The following GPR107 variants were observed in gnomAD, a reference collection of about 807,000 sequenced individuals.
GPR107 encodes G protein-coupled receptor 107.
In GPR107, 31 loss-of-function variants were observed where a neutral mutation model predicts 75.5. The ratio of observed to expected loss-of-function variants is 0.41; its 90% CI spans 0.31 to 0.55. The LOEUF is 0.55. GPR107 is among the 20% of genes least tolerant of loss of function. The probability of loss-of-function intolerance (pLI) is 0.26; values close to 1 mark genes in which losing one functional copy is unlikely to be tolerated. For missense variants in GPR107, 572 were observed against 665.7 expected, an observed-to-expected ratio of 0.86 and a Z score of 1.55; for synonymous variants, 267 against 251.3, an observed-to-expected ratio of 1.06 and a Z score of -0.59.
intron 9 of GPR107, among the ~76,000 whole-genome samples, chr9:130,095,392 TTTTC>T (rs773729983): frequency 1.2e-4 from 18 of 152,036 alleles, no homozygotes; most frequent in Non-Finnish European, 2.2e-4. Context: ...GTGGTAACAG[TTTTC>T]TTTATTTTAT....
At chr9:130,087,636 T>C (rs1564668920) in intron 7 of GPR107, among the ~76,000 whole-genome samples, 1 of 151,384 alleles carries the variant, frequency 6.6e-6, no homozygotes, top group African/African-American at 2.4e-5. Context: ...CTTCATCTCT[T>C]AAAAAAAATT....
intron 15 of GPR107, 113 bp from the exon 16 acceptor site, chr9:130,127,365 ACTTTT>A: frequency 6.0e-6 from 4 of 671,002 alleles, no homozygotes; most frequent in South Asian, 5.1e-5. Context: ...AGTGTCACAT[ACTTTT>A]CTTTGAGTGA....
intron 15 of GPR107, among the ~76,000 whole-genome samples, chr9:130,125,597 CTTTTTTTTTT>C (rs71387321): frequency 9.7e-6 from 1 of 103,134 alleles, no homozygotes; most frequent in Non-Finnish European, 1.9e-5. Flanking sequence ...ATCTGAGTTC[CTTTTTTTTTT>C]TTTTTTTTTT....
At chr9:130,100,977 G>T in intron 11 of GPR107, 129 bp from the exon 12 acceptor site, 1 of 710,758 alleles carries the variant, frequency 1.4e-6, no homozygotes, top group Non-Finnish European at 2.6e-6. Context: ...CATGTATGAT[G>T]GATTTCCTAA....
rs1221015871 is a variant in GPR107, at chr9:130,136,861, T to C, written c.*1740T>C. On this transcript the variant is annotated 3_prime_UTR_variant, in exon 18 of 18. Coordinates refer to ENST00000347136, the MANE Select transcript of GPR107 (RefSeq NM_020960.5). ...GCTGCTCACCTCTCGGCAGATATTT[T>C]AGGCAAGCATCCGTGTGTCTTCCCA... The C allele has an allele frequency of 6.6e-6, 1 of 152,200 alleles. No individual in the cohort carries two copies. The highest frequency in any genetic ancestry group is 1.5e-5 in the Non-Finnish European group (1 of 68,040). 9.4% of individuals were successfully genotyped at this position (152,200 alleles called of 1,614,324 possible).
At chr9:130,057,301 G>A (rs1048875684) in intron 1 of GPR107, among the ~76,000 whole-genome samples, 5 of 151,924 alleles carry the variant, frequency 3.3e-5, no homozygotes, top group African/African-American at 1.2e-4. Flanking sequence ...CTATGATGGC[G>A]ACACTACACT....
intron 15 of GPR107, among the ~76,000 whole-genome samples, chr9:130,126,140 A>C (rs930357345): frequency 1.3e-5 from 2 of 152,080 alleles, no homozygotes; most frequent in Non-Finnish European, 2.9e-5. Flanking sequence ...TGTGGTAATA[A>C]ATTTTCCTTA....
In GPR107 at chr9:130,102,155, G is replaced by A. The variant is rs555930658; in HGVS notation, c.1131+932G>A. On this transcript the variant is annotated intron_variant, in intron 12 of 17. Coordinates refer to ENST00000347136, the MANE Select transcript of GPR107 (RefSeq NM_020960.5). ...CAGAGATAGGGCTGGCCTGGGTGTT[G>A]AAGGAAAGGAATGTGACAGAGGCAG... 4.6e-4 allele frequency among the ~76,000 whole-genome samples: 67 copies of A among 145,950 alleles called. 1 individual carries two copies. Among genetic ancestry groups the A allele is most frequent in the African/African-American group, 1.6e-3 (64 of 39,420 alleles).
chr9:130,095,396 CTTTAT>C (rs1441537882), intron 9 of GPR107, among the ~76,000 whole-genome samples: 2 of 151,908 alleles, frequency 1.3e-5, no homozygotes, highest in African/African-American at 2.4e-5. Context: ...TAACAGTTTT[CTTTAT>C]TTTATTTTTT....
intron 17 of GPR107, among the ~76,000 whole-genome samples, chr9:130,131,795 C>T (rs1831833911): frequency 6.6e-6 from 1 of 152,126 alleles, no homozygotes; most frequent in African/African-American, 2.4e-5. Flanking sequence ...GTGCCTCTCA[C>T]CCCCAGCCCC....
chr9:130,091,498 T>A, intron 8 of GPR107, among the ~76,000 whole-genome samples: 1 of 145,688 alleles, frequency 6.9e-6, no homozygotes, highest in South Asian at 2.2e-4. Context: ...AAAAAAAAAG[T>A]GGTTGTGTGG....
intron 1 of GPR107, among the ~76,000 whole-genome samples, chr9:130,055,110 G>C (rs968877448): frequency 1.3e-5 from 2 of 152,022 alleles, no homozygotes; most frequent in Non-Finnish European, 2.9e-5. Flanking sequence ...TAGAGACATA[G>C]AAAAGTAAAT....
Position 130,112,520 on chromosome 9 carries a change from G to A in GPR107, c.1306+4981G>A, listed in dbSNP as rs1396640053. On this transcript the variant is annotated intron_variant, in intron 14 of 17. Transcript: ENST00000347136. The surrounding 1 kb of genome is among the most constrained non-coding windows in gnomAD (Gnocchi z 4.0). ...CTTTACTGTCACCTACTCACAGGGGGTGAAAAAGGCTCATATCACTTAAGA... is the reference window on the plus strand; with the variant it reads ...CTTTACTGTCACCTACTCACAGGGGATGAAAAAGGCTCATATCACTTAAGA... Among the ~76,000 whole-genome samples, 4 of 152,124 alleles carry A rather than the reference G, an allele frequency of 2.6e-5. No homozygotes were observed. The highest frequency in any genetic ancestry group is 4.8e-5 in the African/African-American group (2 of 41,422).
intron 7 of GPR107, among the ~76,000 whole-genome samples, chr9:130,089,036 G>C (rs1457415763): frequency 6.6e-6 from 1 of 151,520 alleles, no homozygotes; most frequent in African/African-American, 2.4e-5. Context: ...GTGTGGTGGT[G>C]GTGGGCGCCT....
chr9:130,107,866 C>G lies in GPR107; in HGVS notation c.1306+327C>G, dbSNP rs145679342. Reference sequence around the variant, plus strand: ...GTCTTAGAAGGGCCAGATAACACTTCGCTGTGAGAACAGGAGGGATAATGG... The same window carrying G: ...GTCTTAGAAGGGCCAGATAACACTTGGCTGTGAGAACAGGAGGGATAATGG... On this transcript the variant is annotated intron_variant, in intron 14 of 17. Coordinates refer to ENST00000347136, the MANE Select transcript of GPR107 (RefSeq NM_020960.5). 2.6e-5 allele frequency among the ~76,000 whole-genome samples: 4 copies of G among 152,286 alleles called. No individual in the cohort carries two copies. The East Asian group carries it at 7.7e-4, about 29-fold the overall frequency.
In GPR107 at chr9:130,139,082, C is replaced by G. The variant is rs376281961; in HGVS notation, c.*3961C>G. ...CTGCTTCCACACTCCACACTTCACCCCGCTGCTTTTCTCTGACCCGCCCCT... is the reference window on the plus strand; with the variant it reads ...CTGCTTCCACACTCCACACTTCACCGCGCTGCTTTTCTCTGACCCGCCCCT... On this transcript the variant is annotated 3_prime_UTR_variant, in exon 18 of 18. Transcript: ENST00000347136. 1.0e-4 allele frequency: 16 copies of G among 152,392 alleles called. No individual in the cohort carries two copies. In the East Asian group the frequency reaches 2.5e-3, roughly 24 times the overall value. 9.4% of individuals were successfully genotyped at this position (152,392 alleles called of 1,614,324 possible).
In GPR107 at chr9:130,075,766, G is replaced by A. The variant is rs754534510; in HGVS notation, c.255+17G>A. On this transcript the variant is annotated intron_variant, in intron 2 of 17. Transcript: ENST00000347136. ...GATGTGACTGTAAGTACCTTTTAATGAGATCCAGGGGTTTACTCTTTTTTT... is the reference window on the plus strand; with the variant it reads ...GATGTGACTGTAAGTACCTTTTAATAAGATCCAGGGGTTTACTCTTTTTTT... The A allele has an allele frequency of 8.7e-7, 1 of 1,150,294 alleles. No homozygotes were observed. Among genetic ancestry groups the A allele is most frequent in the African/African-American group, 1.5e-5 (1 of 65,432 alleles). 71.3% of individuals were successfully genotyped at this position (1,150,294 alleles called of 1,614,324 possible). A position where few individuals can be genotyped will look rare whatever the true frequency, so the allele number is the denominator to read the frequency against.
Position 130,130,865 on chromosome 9 carries a change from C to T in GPR107, c.1562+2104C>T, listed in dbSNP as rs532199682. ...AGCCTGGGCGATGAGAGTGAAACTC[C>T]GTCTCAAAAAAGAAAAAAAAAAAAA... is the stretch of plus-strand genomic sequence containing the variant. On this transcript the variant is annotated intron_variant, in intron 17 of 17. Coordinates refer to ENST00000347136, the MANE Select transcript of GPR107 (RefSeq NM_020960.5). Among the ~76,000 whole-genome samples the T allele has an allele frequency of 8.4e-5, 9 of 107,400 alleles. No individual in the cohort carries two copies. The East Asian group carries it at 2.5e-3, about 30-fold the overall frequency. 70.5% of individuals were successfully genotyped at this position (107,400 alleles called of 152,430 possible). A position where few individuals can be genotyped will look rare whatever the true frequency, so the allele number is the denominator to read the frequency against.
chr9:130,101,249 C>T, intron 12 of GPR107, 26 bp downstream of exon 12: 1 of 1,214,564 alleles, frequency 8.2e-7, no homozygotes, highest in Non-Finnish European at 1.2e-6. Context: ...TCCCATTTGT[C>T]ACTTCCTTTC....
Sources: gnomAD v4.1 joint callset for allele counts (sites outside exome capture counted in the v4.1 genomes callset) on GRCh38, gnomAD v4.1.1 for gene constraint, Gnocchi (gnomAD v3.1) non-coding constraint, MANE v1.5 for transcripts, NCBI Gene and HGNC (gene_info 2026-07-23, HGNC 2026-07-21) for gene names.